The following EHBP1 variants were observed in gnomAD, a reference collection of about 807,000 sequenced individuals.
EHBP1 encodes the protein EH domain binding protein 1.
Under a neutral mutation model 144.0 loss-of-function variants are expected in EHBP1, and 55 were observed. That is an observed-to-expected ratio of 0.38 (90% CI 0.31 to 0.48). EHBP1 has a LOEUF of 0.48. Among genes scored for constraint, EHBP1 ranks in the 20% least tolerant of loss-of-function variants. EHBP1 has a pLI of 0.98. For synonymous variants in EHBP1, 469 were observed against 472.7 expected, an observed-to-expected ratio of 0.99 and a Z score of 0.10; for missense variants, 1,200 against 1,364.2, an observed-to-expected ratio of 0.88 and a Z score of 1.90.
intron 15 of EHBP1, among the ~76,000 whole-genome samples, chr2:62,981,776 A>G (rs568221078): frequency 1.3e-5 from 2 of 152,312 alleles, no homozygotes; most frequent in Admixed American, 1.3e-4. Context: ...TAGAGTTGGC[A>G]AGGAAATGGA....
intron 16 of EHBP1, 62 bp downstream of exon 16, chr2:62,990,902 G>A: frequency 6.6e-7 from 1 of 1,516,866 alleles, no homozygotes; most frequent in Non-Finnish European, 8.8e-7. Context: ...TCTGCCAGGA[G>A]TTTGTAATTC....
intron 7 of EHBP1, among the ~76,000 whole-genome samples, chr2:62,855,720 G>T (rs567141921): frequency 6.6e-6 from 1 of 152,290 alleles, no homozygotes; most frequent in Admixed American, 6.5e-5. Flanking sequence ...CTCAGAGCTG[G>T]GAAGTTGATG....
chr2:62,690,542 G>A (rs2033871942), intron 1 of EHBP1, among the ~76,000 whole-genome samples: 1 of 151,996 alleles, frequency 6.6e-6, no homozygotes, highest in African/African-American at 2.4e-5. Context: ...CAGCCTGGGC[G>A]ACAGAGCAAG....
intron 10 of EHBP1, among the ~76,000 whole-genome samples, chr2:62,904,557 A>G (rs1398078666): frequency 6.6e-6 from 1 of 152,132 alleles, no homozygotes; most frequent in Non-Finnish European, 1.5e-5. Flanking sequence ...GGGCTGCCCG[A>G]TGGTGGCAGA....
chr2:62,733,229 C>T (rs539522861), intron 2 of EHBP1, among the ~76,000 whole-genome samples: 6 of 152,284 alleles, frequency 3.9e-5, no homozygotes, highest in African/African-American at 1.2e-4. Flanking sequence ...AAGGTTTTCT[C>T]TTTATCTGGA....
chr2:62,929,867 G>A (rs1034558571), intron 10 of EHBP1, among the ~76,000 whole-genome samples: 1 of 151,866 alleles, frequency 6.6e-6, no homozygotes, highest in Admixed American at 6.6e-5. Flanking sequence ...ATTCAGCAAC[G>A]TAGCATGATA....
chr2:62,690,824 A>G (rs1233185616), intron 1 of EHBP1, among the ~76,000 whole-genome samples: 1 of 152,168 alleles, frequency 6.6e-6, no homozygotes, highest in Non-Finnish European at 1.5e-5. Flanking sequence ...CAAAGGAAGG[A>G]TTTTGCCCTC....
intron 13 of EHBP1, among the ~76,000 whole-genome samples, chr2:62,950,173 G>A (rs2057300856): frequency 1.3e-5 from 2 of 151,390 alleles, no homozygotes; most frequent in South Asian, 2.1e-4. Context: ...GCCATCAAAA[G>A]CATTGTTACA....
At chr2:62,686,788 C>T (rs1256252580) in intron 1 of EHBP1, among the ~76,000 whole-genome samples, 1 of 152,176 alleles carries the variant, frequency 6.6e-6, no homozygotes, top group South Asian at 2.1e-4. Flanking sequence ...TGTTTGAATC[C>T]TTTCGGCCAG....
chr2:62,733,242 G>A (rs181980311), intron 2 of EHBP1, among the ~76,000 whole-genome samples: 27 of 152,328 alleles, frequency 1.8e-4, no homozygotes, highest in Admixed American at 5.2e-4. Context: ...TATCTGGATA[G>A]GAGTTGGGCT....
intron 5 of EHBP1, among the ~76,000 whole-genome samples, chr2:62,803,976 G>C (rs995333095): frequency 1.3e-5 from 2 of 152,090 alleles, no homozygotes; most frequent in Non-Finnish European, 2.9e-5. Flanking sequence ...CTACTTCCTA[G>C]GATTGTTTTA....
At chr2:62,708,835 ACC>A (rs2034848369) in intron 2 of EHBP1, among the ~76,000 whole-genome samples, 1 of 152,198 alleles carries the variant, frequency 6.6e-6, no homozygotes, top group South Asian at 2.1e-4. Context: ...TGGGAGGCTT[ACC>A]TAGCATGGGA....
At chr2:62,835,034 T>G (rs1464313892) in intron 7 of EHBP1, among the ~76,000 whole-genome samples, 1 of 152,194 alleles carries the variant, frequency 6.6e-6, no homozygotes, top group East Asian at 1.9e-4. Flanking sequence ...AAAGCCTCAT[T>G]ATAATTTGTA....
intron 8 of EHBP1, among the ~76,000 whole-genome samples, chr2:62,862,566 C>T (rs1053388726): frequency 4.6e-5 from 7 of 151,746 alleles, no homozygotes; most frequent in South Asian, 2.1e-4. Context: ...TGCAGTGAGC[C>T]GAGATTGCAC....
At chr2:62,758,028 A>C (rs1395861206) in intron 3 of EHBP1, among the ~76,000 whole-genome samples, 1 of 152,050 alleles carries the variant, frequency 6.6e-6, no homozygotes, top group East Asian at 1.9e-4. Context: ...AAAAAAAAAA[A>C]ATTTACTTCT....
At chr2:63,016,168 G>T (rs1280189383) in intron 19 of EHBP1, among the ~76,000 whole-genome samples, 1 of 152,198 alleles carries the variant, frequency 6.6e-6, no homozygotes, top group Non-Finnish European at 1.5e-5. Flanking sequence ...ATTTTCAGAG[G>T]CAATAAGCCA....
intron 2 of EHBP1, among the ~76,000 whole-genome samples, chr2:62,745,507 G>T (rs1293231879): frequency 6.6e-6 from 1 of 151,870 alleles, no homozygotes; most frequent in Admixed American, 6.6e-5. Flanking sequence ...TTGTGTGTGT[G>T]TTTTTTTAAA....
intron 5 of EHBP1, among the ~76,000 whole-genome samples, chr2:62,784,344 A>G (rs2042661931): frequency 6.6e-6 from 1 of 152,116 alleles, no homozygotes; most frequent in African/African-American, 2.4e-5. Context: ...TCACAGAATG[A>G]TTGTTTTTTG....
chr2:62,856,798 G>A (rs2049099266), intron 7 of EHBP1, among the ~76,000 whole-genome samples: 1 of 152,228 alleles, frequency 6.6e-6, no homozygotes, highest in African/African-American at 2.4e-5. Flanking sequence ...TCTTAGAGTT[G>A]TCACAAACCT....
Sources: gnomAD v4.1 joint callset for allele counts (sites outside exome capture counted in the v4.1 genomes callset) on GRCh38, gnomAD v4.1.1 for gene constraint, MANE v1.5 for transcripts, NCBI Gene and HGNC (gene_info 2026-07-23, HGNC 2026-07-21) for gene names.